PEX5L: variants seen among roughly 807,000 people sequenced by gnomAD.
The protein encoded by PEX5L is peroxisomal biogenesis factor 5 like.
In PEX5L, 30 loss-of-function variants were observed where a neutral mutation model predicts 84.0. That is an observed-to-expected ratio of 0.36 (90% confidence interval 0.27 to 0.48). PEX5L has a LOEUF of 0.48. PEX5L is among the 20% of genes least tolerant of loss of function. The probability of loss-of-function intolerance (pLI) is 0.99; values close to 1 mark genes in which losing one functional copy is unlikely to be tolerated. For synonymous variants in PEX5L, 270 were observed against 283.1 expected, an observed-to-expected ratio of 0.95 and a Z score of 0.46; for missense variants, 533 against 754.6, an observed-to-expected ratio of 0.71 and a Z score of 3.44.
chr3:179,984,295 G>A (rs1357299268), intron 1 of PEX5L, among the ~76,000 whole-genome samples: 1 of 151,904 alleles, frequency 6.6e-6, no homozygotes, highest in Admixed American at 6.6e-5. Context: ...CTTCTATTAA[G>A]CTCTTTTATT....
chr3:179,995,949 C>A (rs1288883314), intron 1 of PEX5L, among the ~76,000 whole-genome samples: 2 of 152,112 alleles, frequency 1.3e-5, no homozygotes, highest in African/African-American at 4.8e-5. Context: ...TCTGATGAAC[C>A]TTTTTTGCCA....
intron 2 of PEX5L, among the ~76,000 whole-genome samples, chr3:179,945,775 CA>C (rs1777362716): frequency 6.6e-6 from 1 of 152,124 alleles, no homozygotes; most frequent in Non-Finnish European, 1.5e-5. Flanking sequence ...CTTTGCTGGA[CA>C]GCTCTGATAG....
At chr3:179,946,221 T>G (rs6808020) in intron 2 of PEX5L, among the ~76,000 whole-genome samples, 30,457 of 152,080 alleles carry the variant, frequency 0.2, 3,472 homozygotes, top group African/African-American at 0.29. Context: ...ATCTTGAGCT[T>G]CAATCCAGGC....
At chr3:179,940,701 A>C (rs1015568294) in intron 2 of PEX5L, among the ~76,000 whole-genome samples, 1 of 152,228 alleles carries the variant, frequency 6.6e-6, no homozygotes, top group African/African-American at 2.4e-5. Context: ...ATTTAGAGCA[A>C]GACGTAACTC....
chr3:179,845,702 A>G (rs975332968), intron 8 of PEX5L, among the ~76,000 whole-genome samples: 2 of 152,220 alleles, frequency 1.3e-5, no homozygotes, highest in African/African-American at 4.8e-5. Flanking sequence ...GCCAATAATC[A>G]GCAATGTATA....
intron 2 of PEX5L, among the ~76,000 whole-genome samples, chr3:179,928,420 G>C (rs1363131417): frequency 6.6e-6 from 1 of 152,150 alleles, no homozygotes; most frequent in Admixed American, 6.5e-5. Flanking sequence ...AAATGGCTGA[G>C]GGTGGGGACT....
intron 1 of PEX5L, chr3:179,973,102 T>C: frequency 2.0e-6 from 2 of 1,005,404 alleles, no homozygotes; most frequent in Non-Finnish European, 2.6e-6. Flanking sequence ...TTGTCTAGAG[T>C]GTCTCTAATG....
chr3:179,860,425 G>A (rs1327046493), intron 7 of PEX5L, among the ~76,000 whole-genome samples: 2 of 152,212 alleles, frequency 1.3e-5, no homozygotes, highest in African/African-American at 4.8e-5. Context: ...GCTCAACCCT[G>A]GCTTTCCGTG....
At chr3:179,916,141 T>C (rs774991997) in intron 2 of PEX5L, among the ~76,000 whole-genome samples, 5 of 152,184 alleles carry the variant, frequency 3.3e-5, no homozygotes, top group Non-Finnish European at 5.9e-5. Flanking sequence ...ATATATATTT[T>C]GATAGTACAG....
intron 3 of PEX5L, among the ~76,000 whole-genome samples, chr3:179,893,105 C>A (rs1222990240): frequency 6.6e-6 from 1 of 152,142 alleles, no homozygotes; most frequent in African/African-American, 2.4e-5. Flanking sequence ...AACCATTACA[C>A]CTTCTTTGTA....
At chr3:179,974,418 C>T (rs771436572) in intron 1 of PEX5L, among the ~76,000 whole-genome samples, 4 of 152,132 alleles carry the variant, frequency 2.6e-5, no homozygotes, top group South Asian at 2.1e-4. Flanking sequence ...CATTTATGGA[C>T]GACTTTGTGC....
chr3:180,029,163 G>A (rs1004640330), intron 1 of PEX5L, among the ~76,000 whole-genome samples: 2 of 152,004 alleles, frequency 1.3e-5, no homozygotes, highest in Non-Finnish European at 2.9e-5. Flanking sequence ...TAAGGGAATG[G>A]GGACATAATA....
chr3:179,963,995 A>G (rs59129248), intron 2 of PEX5L, among the ~76,000 whole-genome samples: 8,558 of 151,994 alleles, frequency 0.056, 817 homozygotes, highest in African/African-American at 0.2. Flanking sequence ...GTACATGTAC[A>G]GGTTTGTTAT....
At chr3:179,973,179 C>T in intron 1 of PEX5L, 1 of 1,288,792 alleles carries the variant, frequency 7.8e-7, no homozygotes, top group Non-Finnish European at 1.0e-6. Context: ...ATTTGCATGA[C>T]CCGGTTTCTG....
Position 179,915,559 on chromosome 3 carries a change from T to G in PEX5L, c.94-17313A>C, listed in dbSNP as rs138056340. ...TGGAAAAAGTTGAAAATTGCAGTGA[T>G]GTATTATGTGAAAATAGAGTGCTTA... On this transcript the variant is annotated intron_variant, in intron 2 of 14. Coordinates refer to ENST00000467460, the MANE Select transcript of PEX5L (RefSeq NM_016559.3). Among the ~76,000 whole-genome samples, 587 of 152,286 alleles carry G rather than the reference T, an allele frequency of 3.9e-3. 6 individuals carry two copies. Among genetic ancestry groups the G allele is most frequent in the African/African-American group, 0.014 (564 of 41,556 alleles).
rs1394122779 is a variant in PEX5L at position 179,799,654 on chromosome 3, C to G, written c.*2174G>C. 2 of 152,160 alleles carry G rather than the reference C, an allele frequency of 1.3e-5. No individual in the cohort carries two copies. The highest frequency in any genetic ancestry group is 1.3e-4 in the Admixed American group (2 of 15,272). 9.4% of individuals were successfully genotyped at this position (152,160 alleles called of 1,614,324 possible). A position where few individuals can be genotyped will look rare whatever the true frequency, so the allele number is the denominator to read the frequency against. ...TTCAGAGGCTATTCAATCCTTTGTCCATGAACTATTCATGCCGACTTTCTG... is the reference window on the plus strand; with the variant it reads ...TTCAGAGGCTATTCAATCCTTTGTCGATGAACTATTCATGCCGACTTTCTG... On this transcript the variant is annotated 3_prime_UTR_variant, in exon 15 of 15. Coordinates refer to ENST00000467460, the MANE Select transcript of PEX5L (RefSeq NM_016559.3).
intron 2 of PEX5L, among the ~76,000 whole-genome samples, chr3:179,949,958 C>T (rs1412801494): frequency 6.6e-6 from 1 of 152,206 alleles, no homozygotes; most frequent in East Asian, 1.9e-4. Context: ...CTTGGCTGGA[C>T]CCTGACATCT....
chr3:179,896,074 T>C (rs1170561392), intron 3 of PEX5L: 1 of 152,172 alleles, frequency 6.6e-6, no homozygotes, highest in Non-Finnish European at 1.5e-5. Context: ...CTAGATGCTA[T>C]GGTTGTCATG....
At chr3:180,016,385 T>A (rs1057012405) in intron 1 of PEX5L, among the ~76,000 whole-genome samples, 7 of 152,230 alleles carry the variant, frequency 4.6e-5, no homozygotes, top group African/African-American at 1.4e-4. Flanking sequence ...ATGTTTAAAA[T>A]CATGCCCTTG....
Sources: gnomAD v4.1 joint callset for allele counts (sites outside exome capture counted in the v4.1 genomes callset) on GRCh38, gnomAD v4.1.1 for gene constraint, MANE v1.5 for transcripts, NCBI Gene and HGNC (gene_info 2026-07-23, HGNC 2026-07-21) for gene names.